TENM2: variants seen among roughly 807,000 people sequenced by gnomAD.
The protein encoded by TENM2 is teneurin transmembrane protein 2, also known as teneurin-2.
In TENM2, 52 loss-of-function variants were observed where a neutral mutation model predicts 245.2. The observed-to-expected ratio is 0.21, with a 90% CI of 0.17 to 0.27. The LOEUF (loss-of-function observed/expected upper bound fraction) is 0.27, where lower values mean the gene tolerates loss of function less well. Among genes scored for constraint, TENM2 ranks in the 10% least tolerant of loss-of-function variants. The pLI is 1.00. For synonymous variants in TENM2, 1,363 were observed against 1,438.9 expected, an observed-to-expected ratio of 0.95 and a Z score of 1.19; for missense variants, 3,046 against 3,666.8, an observed-to-expected ratio of 0.83 and a Z score of 4.37.
chr5:168,080,463 C>T (rs1174563464), intron 7 of TENM2, among the ~76,000 whole-genome samples: 1 of 152,034 alleles, frequency 6.6e-6, no homozygotes, highest in Non-Finnish European at 1.5e-5. Flanking sequence ...TATTTCTTGC[C>T]TCCTGCTAGC....
intron 2 of TENM2, among the ~76,000 whole-genome samples, chr5:167,563,318 A>G (rs557374093): frequency 3.3e-5 from 5 of 152,254 alleles, no homozygotes; most frequent in Non-Finnish European, 2.9e-5. Flanking sequence ...TAGCCTTTCC[A>G]TGGTGGCTAT....
chr5:167,402,563 T>C (rs781564117), intron 2 of TENM2, among the ~76,000 whole-genome samples: 8 of 152,114 alleles, frequency 5.3e-5, no homozygotes, highest in Non-Finnish European at 7.4e-5. Context: ...TATGAAGAGA[T>C]TAATGTCTCC....
chr5:167,727,585 C>CGACACTT (rs1760116841), intron 2 of TENM2, among the ~76,000 whole-genome samples: 1 of 152,200 alleles, frequency 6.6e-6, no homozygotes, highest in Non-Finnish European at 1.5e-5. Flanking sequence ...TCATGTTCAC[C>CGACACTT]TTGATCTACT....
chr5:167,679,445 T>C (rs1366699065), intron 2 of TENM2, among the ~76,000 whole-genome samples: 1 of 152,188 alleles, frequency 6.6e-6, no homozygotes, highest in Non-Finnish European at 1.5e-5. Context: ...TAGATGAACT[T>C]CTTTTGAAAA....
At chr5:167,298,766 T>C (rs566544306) in intron 1 of TENM2, among the ~76,000 whole-genome samples, 8 of 152,236 alleles carry the variant, frequency 5.3e-5, no homozygotes, top group African/African-American at 7.2e-5. Context: ...TTATTTACTT[T>C]AAGAGTTAAG....
chr5:167,292,890 G>A (rs1223091157), intron 1 of TENM2, among the ~76,000 whole-genome samples: 1 of 152,220 alleles, frequency 6.6e-6, no homozygotes, highest in East Asian at 1.9e-4. Context: ...GGGATGGGGA[G>A]GAGGTTGGAC....
chr5:167,669,720 G>C (rs915692085), intron 2 of TENM2, among the ~76,000 whole-genome samples: 2 of 152,088 alleles, frequency 1.3e-5, no homozygotes, highest in Non-Finnish European at 1.5e-5. Context: ...GGGACAGACG[G>C]CAGGGTGGCA....
chr5:167,671,295 CA>C (rs2150351210), intron 2 of TENM2, among the ~76,000 whole-genome samples: 1 of 152,196 alleles, frequency 6.6e-6, no homozygotes, highest in Admixed American at 6.5e-5. Flanking sequence ...TCCCATCAGC[CA>C]AGGAGTAAGC....
At chr5:168,154,402 A>G (rs1756965685) in intron 12 of TENM2, among the ~76,000 whole-genome samples, 1 of 151,946 alleles carries the variant, frequency 6.6e-6, no homozygotes, top group Non-Finnish European at 1.5e-5. Context: ...TATTTAGTAG[A>G]GACTAAACAA....
chr5:167,879,084 G>A (rs572242110), intron 3 of TENM2, among the ~76,000 whole-genome samples: 1 of 152,292 alleles, frequency 6.6e-6, no homozygotes, highest in African/African-American at 2.4e-5. Flanking sequence ...TTCCCGAGGA[G>A]CACCTGTTCT....
At chr5:167,758,692 C>T (rs562692335) in intron 2 of TENM2, among the ~76,000 whole-genome samples, 3 of 152,154 alleles carry the variant, frequency 2.0e-5, no homozygotes, top group South Asian at 2.1e-4. Flanking sequence ...TACATGGAAA[C>T]ATTTATTAGG....
chr5:167,999,964 A>G (rs927803422), intron 5 of TENM2, among the ~76,000 whole-genome samples: 6 of 152,234 alleles, frequency 3.9e-5, no homozygotes, highest in African/African-American at 1.2e-4. Flanking sequence ...CACAGAGTAT[A>G]CATTGAGTAA....
At chr5:168,017,911 T>C (rs1785801252) in intron 5 of TENM2, among the ~76,000 whole-genome samples, 1 of 152,212 alleles carries the variant, frequency 6.6e-6, no homozygotes. Context: ...ACTTTCTTCT[T>C]GACATAATAG....
At chr5:167,747,519 G>T (rs1434231856) in intron 2 of TENM2, among the ~76,000 whole-genome samples, 1 of 152,166 alleles carries the variant, frequency 6.6e-6, no homozygotes, top group African/African-American at 2.4e-5. Context: ...TATGCCTCTG[G>T]GTTGTAATAC....
At chr5:168,014,912 T>C (rs1352069556) in intron 5 of TENM2, among the ~76,000 whole-genome samples, 1 of 152,206 alleles carries the variant, frequency 6.6e-6, no homozygotes. Flanking sequence ...GCTGAAGTGC[T>C]GTTTCCATGC....
chr5:167,813,357 G>T (rs757859278), intron 2 of TENM2, among the ~76,000 whole-genome samples: 1 of 151,300 alleles, frequency 6.6e-6, no homozygotes, highest in Non-Finnish European at 1.5e-5. Flanking sequence ...TCTGGAAAAG[G>T]GTCCTTTTGC....
chr5:167,565,094 C>T (rs1773828173), intron 2 of TENM2, among the ~76,000 whole-genome samples: 1 of 152,214 alleles, frequency 6.6e-6, no homozygotes, highest in African/African-American at 2.4e-5. Context: ...CAACAGAGTG[C>T]TAACAATGAA....
chr5:167,137,212 A>G, the TENM2 span, among the ~76,000 whole-genome samples: 1 of 152,168 alleles, frequency 6.6e-6, no homozygotes, highest in African/African-American at 2.4e-5. Context: ...GGCTCAATAT[A>G]TAAATTTAGA....
chr5:167,347,759 T>C (rs1043080135), intron 1 of TENM2, among the ~76,000 whole-genome samples: 2 of 152,154 alleles, frequency 1.3e-5, no homozygotes, highest in African/African-American at 4.8e-5. Context: ...AATCTATTTA[T>C]ATTTATTTAT....
Sources: gnomAD v4.1 joint callset for allele counts (sites outside exome capture counted in the v4.1 genomes callset) on GRCh38, gnomAD v4.1.1 for gene constraint, MANE v1.5 for transcripts, NCBI Gene and HGNC (gene_info 2026-07-23, HGNC 2026-07-21) for gene names.